The following PGBD5 variants were observed in gnomAD, a reference collection of about 807,000 sequenced individuals.
PGBD5 encodes the protein piggyBac transposable element derived 5, also known as piggyBac transposable element-derived protein 5.
Under a neutral mutation model 47.9 loss-of-function variants are expected in PGBD5, and 14 were observed. The observed-to-expected ratio is 0.29, with a 90% CI of 0.19 to 0.46. The LOEUF (loss-of-function observed/expected upper bound fraction) is 0.46. Ranked by LOEUF, PGBD5 falls within the 20% of genes least tolerant of loss-of-function variation. The pLI is 1.00. For synonymous variants in PGBD5, 316 were observed against 306.3 expected (o/e 1.03, Z -0.33); for missense variants, 635 against 716.0 (o/e 0.89, Z 1.29).
chr1:230,419,428 A>G (rs554665608), intron 1 of PGBD5, among the ~76,000 whole-genome samples: 1 of 145,462 alleles, frequency 6.9e-6, no homozygotes, highest in South Asian at 2.1e-4. Flanking sequence ...GAGGGGAGCA[A>G]GGTGAGAAAA....
chr1:230,373,991 T>A (rs1667972942), intron 1 of PGBD5, among the ~76,000 whole-genome samples: 1 of 151,932 alleles, frequency 6.6e-6, no homozygotes, highest in Admixed American at 6.6e-5. Context: ...CACAAGTGAG[T>A]TTTATAACAG....
At chr1:230,377,339 C>G (rs147628752) in intron 1 of PGBD5, among the ~76,000 whole-genome samples, 183 of 152,258 alleles carry the variant, frequency 1.2e-3, no homozygotes, top group African/African-American at 4.2e-3. Flanking sequence ...GTCATAGGCA[C>G]AAAGAAGCAA....
rs1408705197 is a variant in PGBD5 at position 230,314,911 on chromosome 1, A to T, written c.*8514T>A. 1.3e-5 allele frequency: 2 copies of T among 152,136 alleles called. No homozygotes were observed. The highest frequency in any genetic ancestry group is 3.9e-4 in the East Asian group (2 of 5,186). The allele number at this position is 152,136 out of a possible 1,614,324, so 9.4% of individuals were successfully genotyped here. On this transcript the variant is annotated 3_prime_UTR_variant, in exon 7 of 7. Transcript: ENST00000391860. ...AATAGCAGTCTTTCCAGCTTCTTTGACACGGATTTCCTCATCATCAATGGC... is the reference window on the plus strand; with the variant it reads ...AATAGCAGTCTTTCCAGCTTCTTTGTCACGGATTTCCTCATCATCAATGGC...
intron 1 of PGBD5, among the ~76,000 whole-genome samples, chr1:230,392,056 G>C (rs1028923417): frequency 6.6e-6 from 1 of 152,226 alleles, no homozygotes; most frequent in South Asian, 2.1e-4. Context: ...GGCTTACTAG[G>C]ACTGTGAAGC....
At chr1:230,387,489 T>A (rs770601177) in intron 1 of PGBD5, among the ~76,000 whole-genome samples, 1 of 152,210 alleles carries the variant, frequency 6.6e-6, no homozygotes, top group Non-Finnish European at 1.5e-5. Flanking sequence ...ATACCCAGCA[T>A]CCAGGAGGCC....
At chr1:230,382,680 C>T (rs79346025) in intron 1 of PGBD5, among the ~76,000 whole-genome samples, 7,956 of 152,238 alleles carry the variant, frequency 0.052, 234 homozygotes, top group South Asian at 0.072. Flanking sequence ...TATGAAAACA[C>T]GTGCAAGGTG....
intron 5 of PGBD5, among the ~76,000 whole-genome samples, chr1:230,332,415 G>A (rs989873364): frequency 1.3e-5 from 2 of 152,182 alleles, no homozygotes; most frequent in African/African-American, 4.8e-5. Flanking sequence ...AAGAAATCAG[G>A]GAACAGCGGA....
At chr1:230,393,558 C>T (rs828475) in intron 1 of PGBD5, among the ~76,000 whole-genome samples, 121,170 of 152,030 alleles carry the variant, frequency 0.8, 49,875 homozygotes, top group East Asian at 0.9. Context: ...AAATAATAGG[C>T]CGGGCGCGGT....
At chr1:230,350,881 C>T (rs1667549765) in intron 3 of PGBD5, 77 bp downstream of exon 3, 1 of 1,552,144 alleles carries the variant, frequency 6.4e-7, no homozygotes, top group Non-Finnish European at 8.7e-7. Context: ...TCTTGGGTAT[C>T]AGATGAGCCC....
chr1:230,381,638 A>C (rs1176810866), intron 1 of PGBD5, among the ~76,000 whole-genome samples: 1 of 152,128 alleles, frequency 6.6e-6, no homozygotes. Flanking sequence ...CAGTGTCCCT[A>C]CTGCTAACTT....
At chr1:230,398,598 AGACAGAACTAGGCAGTTCTAG>A (rs1037527290) in intron 1 of PGBD5, among the ~76,000 whole-genome samples, 2 of 152,222 alleles carry the variant, frequency 1.3e-5, no homozygotes, top group Admixed American at 6.5e-5. Flanking sequence ...CAGCAGAACT[AGACAGAACTAGGCAGTTCTAG>A]GACAGAACTA....
chr1:230,407,877 C>T lies in PGBD5; in HGVS notation c.331+17721G>A, dbSNP rs142762720. ...TACTCCTAAAAATATTCAAAGAATA[C>T]CTCTAAGCAGTGAACCAAGGATTTG... On this transcript the variant is annotated intron_variant, in intron 1 of 6. Transcript: ENST00000391860. Among the ~76,000 whole-genome samples, 296 of 152,266 alleles carry T rather than the reference C, an allele frequency of 1.9e-3. 1 individual carries two copies. The Middle Eastern group carries it at 0.027, about 14-fold the overall frequency.
At chr1:230,369,782 G>T (rs548183147) in intron 1 of PGBD5, among the ~76,000 whole-genome samples, 1 of 152,120 alleles carries the variant, frequency 6.6e-6, no homozygotes, top group East Asian at 1.9e-4. Context: ...CGGCACAACT[G>T]GTCCAAGAAA....
At chr1:230,345,766 T>G (rs1390847186) in intron 3 of PGBD5, among the ~76,000 whole-genome samples, 1 of 152,252 alleles carries the variant, frequency 6.6e-6, no homozygotes, top group African/African-American at 2.4e-5. Context: ...CCATGAAATA[T>G]TCAACACTTT....
At chr1:230,354,564 A>C (rs1004792504) in intron 2 of PGBD5, among the ~76,000 whole-genome samples, 4 of 152,184 alleles carry the variant, frequency 2.6e-5, no homozygotes, top group Admixed American at 6.5e-5. Context: ...AACTTTTACC[A>C]ATGATAAGAC....
rs537184863 is a variant in PGBD5, at chr1:230,419,464, C to A, written c.331+6134G>T. 4.6e-5 allele frequency among the ~76,000 whole-genome samples: 7 copies of A among 152,240 alleles called. No individual in the cohort carries two copies. The South Asian group carries it at 1.5e-3, about 32-fold the overall frequency. ...ACTACCCATTAGGTACTCTGCTCACCACAGGGTGATGGGCTCAATCAGACT... is the reference window on the plus strand; with the variant it reads ...ACTACCCATTAGGTACTCTGCTCACAACAGGGTGATGGGCTCAATCAGACT... On this transcript the variant is annotated intron_variant, in intron 1 of 6. Transcript: ENST00000391860.
At chr1:230,382,117 G>A (rs773752740) in intron 1 of PGBD5, among the ~76,000 whole-genome samples, 2 of 152,150 alleles carry the variant, frequency 1.3e-5, no homozygotes, top group Non-Finnish European at 2.9e-5. Context: ...GTCAGCCCAC[G>A]TGGTTACTGC....
At position 230,357,380 on chromosome 1, in the gene PGBD5, A is replaced by G; in HGVS notation, c.332-59T>C. 6.4e-7 allele frequency: 1 copy of G among 1,550,914 alleles called. No homozygotes were observed. Among genetic ancestry groups the G allele is most frequent in the Non-Finnish European group, 8.8e-7 (1 of 1,138,840 alleles). On this transcript the variant is annotated intron_variant, in intron 1 of 6. Coordinates refer to ENST00000391860, the MANE Select transcript of PGBD5 (RefSeq NM_001258311.2). This position sits in a 1 kb window ranked among gnomAD's most constrained non-coding sequence, Gnocchi z 5.7. ...GACGGCCGCCACACCCTGACTCGAC[A>G]CGAGAACGGCTGCATTTCCAATCCC...
intron 1 of PGBD5, among the ~76,000 whole-genome samples, chr1:230,390,792 T>A (rs1171892246): frequency 6.6e-6 from 1 of 151,940 alleles, no homozygotes; most frequent in Non-Finnish European, 1.5e-5. Context: ...AAGGCTGGAG[T>A]GCAGTAGTGT....
Sources: gnomAD v4.1 joint callset for allele counts (sites outside exome capture counted in the v4.1 genomes callset) on GRCh38, gnomAD v4.1.1 for gene constraint, Gnocchi (gnomAD v3.1) non-coding constraint, MANE v1.5 for transcripts, NCBI Gene and HGNC (gene_info 2026-07-23, HGNC 2026-07-21) for gene names.